The following CEP192 variants were observed in gnomAD, a reference collection of about 807,000 sequenced individuals.
The protein encoded by CEP192 is centrosomal protein 192, also known as centrosomal protein of 192 kDa.
In CEP192, 151 loss-of-function variants were observed where a neutral mutation model predicts 271.8. The ratio of observed to expected loss-of-function variants is 0.56; its 90% CI spans 0.49 to 0.64. CEP192 has a LOEUF of 0.64. Ranked by LOEUF, CEP192 falls within the 30% of genes least tolerant of loss-of-function variation. The pLI is 0.00. For synonymous variants in CEP192, 995 were observed against 1,076.5 expected (o/e 0.92, Z 1.48); for missense variants, 2,910 against 3,020.5 (o/e 0.96, Z 0.86).
intron 15 of CEP192, among the ~76,000 whole-genome samples, chr18:13,042,639 G>A (rs16940065): frequency 0.019 from 2,843 of 152,174 alleles, 82 homozygotes; most frequent in African/African-American, 0.064. Flanking sequence ...TTTTTTTGCC[G>A]CCTCCAGTTA....
chr18:13,052,254 T>C (rs1221738822), intron 17 of CEP192, among the ~76,000 whole-genome samples: 3 of 152,236 alleles, frequency 2.0e-5, no homozygotes, highest in Non-Finnish European at 4.4e-5. Context: ...GACATCTTTC[T>C]GAACCAAGGC....
intron 44 of CEP192, among the ~76,000 whole-genome samples, chr18:13,118,207 T>G (rs551203724): frequency 1.3e-5 from 2 of 152,254 alleles, no homozygotes; most frequent in Non-Finnish European, 2.9e-5. Flanking sequence ...TATTTAGAAC[T>G]TAATAGTTAG....
intron 9 of CEP192, among the ~76,000 whole-genome samples, chr18:13,028,157 T>C (rs2035409628): frequency 6.6e-6 from 1 of 152,190 alleles, no homozygotes; most frequent in Non-Finnish European, 1.5e-5. Flanking sequence ...CTCACATCTC[T>C]CTCTGTGTGT....
intron 5 of CEP192, among the ~76,000 whole-genome samples, chr18:13,013,931 C>T (rs567840375): frequency 6.6e-6 from 1 of 152,314 alleles, no homozygotes; most frequent in South Asian, 2.1e-4. Flanking sequence ...ATTGGCAAAC[C>T]ATAGCTTATG....
At chr18:13,124,482 AATAGC>A in intron 44 of CEP192, 145 bp from the exon 45 acceptor site, 1 of 620,786 alleles carries the variant, frequency 1.6e-6, no homozygotes, top group East Asian at 2.8e-5. Flanking sequence ...CTCATTAAAT[AATAGC>A]ATCCAAGAAA....
chr18:13,120,143 A>G (rs1223334648), intron 44 of CEP192, among the ~76,000 whole-genome samples: 1 of 152,240 alleles, frequency 6.6e-6, no homozygotes, highest in African/African-American at 2.4e-5. Flanking sequence ...CCAGAGAAAG[A>G]ACCTAAACCT....
At chr18:13,109,159 G>A (rs557308024) in intron 40 of CEP192, among the ~76,000 whole-genome samples, 1 of 152,294 alleles carries the variant, frequency 6.6e-6, no homozygotes, top group African/African-American at 2.4e-5. Flanking sequence ...TTGATCACCG[G>A]TGGATTGGAT....
intron 1 of CEP192, among the ~76,000 whole-genome samples, chr18:12,998,796 C>T (rs2033423092): frequency 6.6e-6 from 1 of 152,168 alleles, no homozygotes; most frequent in African/African-American, 2.4e-5. Flanking sequence ...TAGCTAACAT[C>T]TTCAGAGCAC....
chr18:13,019,237 T>TA (rs2034842475), intron 9 of CEP192, 31 bp downstream of exon 9: 8 of 1,466,678 alleles, frequency 5.5e-6, no homozygotes, highest in Admixed American at 5.9e-5. Flanking sequence ...AGATTTCCTA[T>TA]AAAAAAAGGA....
chr18:13,034,946 T>A (rs1473927281), intron 11 of CEP192, among the ~76,000 whole-genome samples: 1 of 151,352 alleles, frequency 6.6e-6, no homozygotes, highest in Non-Finnish European at 1.5e-5. Context: ...AGTTCGACAG[T>A]GGGGGAAACA....
chr18:13,047,090 T>C (rs922135092), intron 15 of CEP192, among the ~76,000 whole-genome samples: 1 of 152,146 alleles, frequency 6.6e-6, no homozygotes, highest in African/African-American at 2.4e-5. Flanking sequence ...TACCCTACAG[T>C]TTAGAGGAAA....
chr18:13,068,313 TTAA>T, intron 23 of CEP192, 43 bp from the exon 24 acceptor site: 1 of 1,602,702 alleles, frequency 6.2e-7, no homozygotes, highest in Non-Finnish European at 8.5e-7. Context: ...GATAGTAATA[TTAA>T]TACCAGTTTA....
intron 42 of CEP192, among the ~76,000 whole-genome samples, chr18:13,115,207 C>T (rs2040373383): frequency 6.6e-6 from 1 of 152,242 alleles, no homozygotes; most frequent in Non-Finnish European, 1.5e-5. Flanking sequence ...GAGCCCCGCG[C>T]CTCCACAGCT....
chr18:13,008,283 G>A (rs759645154), intron 3 of CEP192, among the ~76,000 whole-genome samples, 173 bp from the exon 4 acceptor site: 10 of 152,200 alleles, frequency 6.6e-5, no homozygotes, highest in Non-Finnish European at 1.5e-5. Context: ...TCAGTCCCCA[G>A]AATACAGTGC....
intron 38 of CEP192, among the ~76,000 whole-genome samples, chr18:13,102,545 G>A (rs901496942): frequency 6.6e-6 from 1 of 152,112 alleles, no homozygotes; most frequent in East Asian, 1.9e-4. Flanking sequence ...CCGGAACCCC[G>A]TCCTGTGAAG....
rs567320088 is a variant in CEP192, at chr18:13,027,403, G to A, written c.1051-2260G>A. Among the ~76,000 whole-genome samples the A allele has an allele frequency of 3.9e-5, 6 of 152,292 alleles. No homozygotes were observed. In the East Asian group the frequency reaches 9.6e-4, roughly 24 times the overall value. On this transcript the variant is annotated intron_variant, in intron 9 of 44. Transcript: ENST00000506447. ...AAAAGCATGGGGCCCACCTATGACTGGATCCTCTGGAGTTTTTAACTCTCA... is the reference window on the plus strand; with the variant it reads ...AAAAGCATGGGGCCCACCTATGACTAGATCCTCTGGAGTTTTTAACTCTCA...
chr18:13,041,918 A>G (rs1209298671), intron 14 of CEP192, among the ~76,000 whole-genome samples: 7 of 152,224 alleles, frequency 4.6e-5, no homozygotes, highest in Non-Finnish European at 2.9e-5. Context: ...AAATGTTTCA[A>G]GCTGAAAAAT....
intron 38 of CEP192, 78 bp downstream of exon 38, chr18:13,100,590 G>A: frequency 8.6e-7 from 1 of 1,156,512 alleles, no homozygotes; most frequent in East Asian, 2.4e-5. Context: ...GCCATAAGTT[G>A]GTGATAAATA....
In CEP192 at chr18:13,008,416, A is replaced by C. The variant is rs530460875; in HGVS notation, c.291-40A>C. ...AATATTTTGTAGATTTACCCAAGGT[A>C]ACTAACATTTTATCATTCTTCTGTT... On this transcript the variant is annotated intron_variant, in intron 3 of 44. Coordinates refer to ENST00000506447, the MANE Select transcript of CEP192 (RefSeq NM_032142.4). The C allele has an allele frequency of 2.0e-4, 267 of 1,327,260 alleles. No individual in the cohort carries two copies. In the African/African-American group the frequency reaches 3.5e-3, roughly 18 times the overall value. 82.2% of individuals were successfully genotyped at this position (1,327,260 alleles called of 1,614,324 possible). A position where few individuals can be genotyped will look rare whatever the true frequency, so the allele number is the denominator to read the frequency against.
Sources: allele counts gnomAD v4.1 joint callset (sites outside exome capture counted in the v4.1 genomes callset), GRCh38; gene constraint gnomAD v4.1.1; transcripts MANE v1.5; gene names NCBI Gene and HGNC (gene_info 2026-07-23, HGNC 2026-07-21).